CNTNAP2: variants seen among roughly 807,000 people sequenced by gnomAD.
CNTNAP2 encodes the protein contactin-associated protein-like 2.
Under a neutral mutation model 155.2 loss-of-function variants are expected in CNTNAP2, and 98 were observed. The observed-to-expected ratio is 0.63, with a 90% CI of 0.54 to 0.75. The LOEUF is 0.75. Ranked by LOEUF, CNTNAP2 falls within the 30% of genes least tolerant of loss-of-function variation. The pLI, the probability that CNTNAP2 is intolerant of heterozygous loss-of-function variation, is 0.00. For missense variants in CNTNAP2, 1,727 were observed against 1,688.1 expected, an observed-to-expected ratio of 1.02 and a Z score of -0.40; for synonymous variants, 651 against 631.2, an observed-to-expected ratio of 1.03 and a Z score of -0.47.
At chr7:146,346,222 C>T (rs1055352395) in intron 1 of CNTNAP2, among the ~76,000 whole-genome samples, 12 of 152,156 alleles carry the variant, frequency 7.9e-5, no homozygotes, top group East Asian at 1.9e-4. Flanking sequence ...AGGTGAGCAG[C>T]GGTGAGCCAG....
At chr7:147,036,329 C>T (rs977168029) in intron 3 of CNTNAP2, among the ~76,000 whole-genome samples, 1 of 152,024 alleles carries the variant, frequency 6.6e-6, no homozygotes, top group African/African-American at 2.4e-5. Context: ...AACAGTGCAC[C>T]TAGTGGAAAA....
intron 1 of CNTNAP2, among the ~76,000 whole-genome samples, chr7:146,672,574 G>A (rs1272702959): frequency 1.3e-5 from 2 of 152,058 alleles, no homozygotes; most frequent in Non-Finnish European, 2.9e-5. Context: ...AAAACCACTT[G>A]GAATGGGAAC....
At chr7:146,490,013 C>T (rs149079540) in intron 1 of CNTNAP2, among the ~76,000 whole-genome samples, 9 of 152,174 alleles carry the variant, frequency 5.9e-5, no homozygotes, top group East Asian at 3.9e-4. Context: ...CAGAAGAAAG[C>T]GCATCAAATG....
At chr7:147,398,591 T>TC (rs1796860861) in intron 10 of CNTNAP2, among the ~76,000 whole-genome samples, 1 of 99,262 alleles carries the variant, frequency 1.0e-5, no homozygotes, top group Non-Finnish European at 2.1e-5. Context: ...GATTTGAACT[T>TC]TTTTTTTTTT....
chr7:147,605,089 C>CAGA (rs10654851), intron 12 of CNTNAP2, among the ~76,000 whole-genome samples: 107,111 of 151,728 alleles, frequency 0.71, 38,715 homozygotes, highest in African/African-American at 0.86. Context: ...TGCAAAGTAG[C>CAGA]AGATTTAATC....
At position 146,722,746 on chromosome 7, in the gene CNTNAP2, G is replaced by T. The variant is rs540338978; in HGVS notation, c.98-51525G>T. On this transcript the variant is annotated intron_variant, in intron 1 of 23. Coordinates refer to ENST00000361727, the MANE Select transcript of CNTNAP2 (RefSeq NM_014141.6). ...TATATATACACGTTGGCGAGGTGCA[G>T]TCGCTCACGCCTGTAATCCCAGCAC... Among the ~76,000 whole-genome samples, 4 of 152,124 alleles carry T rather than the reference G, an allele frequency of 2.6e-5. No individual in the cohort carries two copies. In the South Asian group the frequency reaches 8.3e-4, roughly 32 times the overall value.
At chr7:147,125,106 T>G (rs188726514) in intron 6 of CNTNAP2, among the ~76,000 whole-genome samples, 2 of 152,028 alleles carry the variant, frequency 1.3e-5, no homozygotes, top group Non-Finnish European at 2.9e-5. Flanking sequence ...GGTCTCGATC[T>G]CCTGACCTCA....
chr7:147,316,573 C>T (rs2116809403), intron 9 of CNTNAP2, among the ~76,000 whole-genome samples: 1 of 152,206 alleles, frequency 6.6e-6, no homozygotes, highest in Middle Eastern at 3.4e-3. Context: ...GGTTAGCCCT[C>T]AATCACTTAT....
intron 1 of CNTNAP2, among the ~76,000 whole-genome samples, chr7:146,309,921 G>C (rs1050432794): frequency 2.6e-5 from 4 of 152,010 alleles, no homozygotes; most frequent in Non-Finnish European, 5.9e-5. Context: ...AGGGGGAATA[G>C]AATTTAACAA....
At chr7:147,459,620 G>A (rs969830139) in intron 10 of CNTNAP2, among the ~76,000 whole-genome samples, 5 of 152,118 alleles carry the variant, frequency 3.3e-5, no homozygotes, top group South Asian at 2.1e-4. Context: ...AAGATGCTAC[G>A]TTGCTGGCTT....
At chr7:146,796,288 A>T (rs1435057623) in intron 2 of CNTNAP2, among the ~76,000 whole-genome samples, 1 of 152,164 alleles carries the variant, frequency 6.6e-6, no homozygotes. Context: ...ACAGAGAAAG[A>T]CTTTAATGAT....
chr7:148,148,261 A>C (rs1051401507), intron 17 of CNTNAP2, among the ~76,000 whole-genome samples: 2 of 152,202 alleles, frequency 1.3e-5, no homozygotes, highest in Admixed American at 6.5e-5. Flanking sequence ...ACAGATCAAA[A>C]AGTTAAACTA....
chr7:146,532,444 T>A (rs1797783382), intron 1 of CNTNAP2, among the ~76,000 whole-genome samples: 1 of 152,126 alleles, frequency 6.6e-6, no homozygotes, highest in African/African-American at 2.4e-5. Flanking sequence ...ATTTCTAACT[T>A]TTTTTTCTTT....
At chr7:146,585,165 A>G (rs1318940476) in intron 1 of CNTNAP2, among the ~76,000 whole-genome samples, 3 of 151,912 alleles carry the variant, frequency 2.0e-5, no homozygotes, top group Non-Finnish European at 4.4e-5. Context: ...CTCTATCGCC[A>G]GACTGGAGTG....
chr7:147,281,574 A>G (rs753928079), intron 8 of CNTNAP2, among the ~76,000 whole-genome samples: 86 of 151,742 alleles, frequency 5.7e-4, no homozygotes, highest in Non-Finnish European at 1.6e-4. Context: ...TATATTTATT[A>G]AAAGACTAAA....
Position 148,329,825 on chromosome 7 carries a change from G to A in CNTNAP2, c.3476-53824G>A, listed in dbSNP as rs974172541. Reference sequence around the variant, plus strand: ...AACTCTGATTCATCCTTCAAGTGAGGAGATATCTCTTCACCCTCGAAGCTT... The same window carrying A: ...AACTCTGATTCATCCTTCAAGTGAGAAGATATCTCTTCACCCTCGAAGCTT... On this transcript the variant is annotated intron_variant, in intron 21 of 23. Coordinates refer to ENST00000361727, the MANE Select transcript of CNTNAP2 (RefSeq NM_014141.6). Among the ~76,000 whole-genome samples, 7 of 152,246 alleles carry A rather than the reference G, an allele frequency of 4.6e-5. No homozygotes were observed. The South Asian group carries it at 1.5e-3, about 32-fold the overall frequency.
chr7:146,935,822 T>C (rs1457434748), intron 3 of CNTNAP2, among the ~76,000 whole-genome samples: 1 of 152,174 alleles, frequency 6.6e-6, no homozygotes, highest in African/African-American at 2.4e-5. Flanking sequence ...GTAAACTCTT[T>C]ATCTAGCTCA....
In CNTNAP2 at chr7:148,179,611, GGGAA is replaced by G. The variant is rs529666599; in HGVS notation, c.3010+7149_3010+7152del. ...GGAGAGAGAGGGAGGGAGGGAAGGA[GGGAA>G]GGAAGGAAGGAAGGAGAGAAAGAGA... On this transcript the variant is annotated intron_variant, in intron 18 of 23. Coordinates refer to ENST00000361727, the MANE Select transcript of CNTNAP2 (RefSeq NM_014141.6). Among the ~76,000 whole-genome samples, 72 of 140,734 alleles carry G rather than the reference GGGAA, an allele frequency of 5.1e-4. 1 individual carries two copies. Among genetic ancestry groups the G allele is most frequent in the African/African-American group, 1.2e-3 (45 of 36,092 alleles). The allele number at this position is 140,734 out of a possible 152,430, so 92.3% of individuals were successfully genotyped here. A position where few individuals can be genotyped will look rare whatever the true frequency, so the allele number is the denominator to read the frequency against.
At chr7:147,565,507 A>G (rs1381039407) in intron 12 of CNTNAP2, among the ~76,000 whole-genome samples, 1 of 152,172 alleles carries the variant, frequency 6.6e-6, no homozygotes, top group Non-Finnish European at 1.5e-5. Flanking sequence ...AAACATTGGG[A>G]CCAGCTCTGA....
Sources: gnomAD v4.1 joint callset for allele counts (sites outside exome capture counted in the v4.1 genomes callset) on GRCh38, gnomAD v4.1.1 for gene constraint, MANE v1.5 for transcripts, NCBI Gene and HGNC (gene_info 2026-07-23, HGNC 2026-07-21) for gene names.